Variants in PLEK observed in about 807,000 individuals in gnomAD.
PLEK encodes the protein pleckstrin, also known as platelet 47 kDa protein.
A neutral mutation model predicts 43.9 loss-of-function variants in PLEK; 25 were observed. The observed-to-expected ratio is 0.57, with a 90% CI of 0.41 to 0.79. The LOEUF is 0.79. Among genes scored for constraint, PLEK ranks in the 30% least tolerant of loss-of-function variants. PLEK has a pLI of 0.00. For missense variants in PLEK, 396 were observed against 413.3 expected, an observed-to-expected ratio of 0.96 and a Z score of 0.36; for synonymous variants, 152 against 144.4, an observed-to-expected ratio of 1.05 and a Z score of -0.38.
chr2:68,393,838 C>T (rs1052061026), intron 7 of PLEK, among the ~76,000 whole-genome samples: 1 of 152,168 alleles, frequency 6.6e-6, no homozygotes, highest in South Asian at 2.1e-4. Context: ...ACCTCAGTGT[C>T]TCCACCTCTC....
chr2:68,395,086 T>G (rs1173756834), intron 8 of PLEK, among the ~76,000 whole-genome samples: 1 of 152,152 alleles, frequency 6.6e-6, no homozygotes, highest in African/African-American at 2.4e-5. Flanking sequence ...CCTTTTAGTC[T>G]TCAGCAGAAC....
At chr2:68,380,040 C>G (rs1673580202) in intron 1 of PLEK, among the ~76,000 whole-genome samples, 1 of 151,834 alleles carries the variant, frequency 6.6e-6, no homozygotes, top group Non-Finnish European at 1.5e-5. Flanking sequence ...CTAAGCTGAG[C>G]CTTGAAGGAT....
chr2:68,384,154 GTTCTCCTTCTCCTTCTCCTTCTCC>G (rs61680302), intron 4 of PLEK, among the ~76,000 whole-genome samples: 65,412 of 149,878 alleles, frequency 0.44, 14,721 homozygotes, highest in African/African-American at 0.51. Flanking sequence ...TTTTCTTCTT[GTTCTCCTTCTCCTTCTCCTTCTCC>G]TTCTCCTTCT....
At chr2:68,394,051 G>A (rs1573083107) in intron 7 of PLEK, 56 bp from the exon 8 acceptor site, 3 of 1,107,572 alleles carry the variant, frequency 2.7e-6, no homozygotes, top group East Asian at 4.7e-5. Context: ...AAGAGGATGA[G>A]GTCTATCTAT....
At chr2:68,375,374 G>A (rs1235463248) in intron 1 of PLEK, among the ~76,000 whole-genome samples, 1 of 152,148 alleles carries the variant, frequency 6.6e-6, no homozygotes, top group Admixed American at 6.6e-5. Flanking sequence ...TTAAAAATAG[G>A]ATTATTTGTA....
At chr2:68,382,718 T>C in intron 4 of PLEK, 85 bp downstream of exon 4, 2 of 766,402 alleles carry the variant, frequency 2.6e-6, no homozygotes, top group South Asian at 1.5e-5. Context: ...GGTGGGGGTA[T>C]GAAGTATGGG....
In PLEK at chr2:68,393,156, A is replaced by T. The variant is rs758890380; in HGVS notation, c.763-6A>T. On this transcript the variant is annotated splice_polypyrimidine_tract_variant and splice_region_variant and intron_variant, in intron 6 of 8. Transcript: ENST00000234313. Reference sequence around the variant, plus strand: ...TCCCTTCTTTTAATGTTGATCCTGGATACAGGGGCATAGAAGGAAAAACTG... The same window carrying T: ...TCCCTTCTTTTAATGTTGATCCTGGTTACAGGGGCATAGAAGGAAAAACTG... 6.3e-7 allele frequency: 1 copy of T among 1,587,734 alleles called. No homozygotes were observed. Among genetic ancestry groups the T allele is most frequent in the Non-Finnish European group, 8.7e-7 (1 of 1,156,012 alleles).
chr2:68,396,854 T>C lies in PLEK; in HGVS notation c.*1038T>C, dbSNP rs1673972392. On this transcript the variant is annotated 3_prime_UTR_variant, in exon 9 of 9. Coordinates refer to ENST00000234313, the MANE Select transcript of PLEK (RefSeq NM_002664.3). The stretch of plus-strand genomic sequence containing the variant: ...CTGGATGATGGGTTAATACAACAAC[T>C]GCACTGTAAGGACTCAGAGCCACAC... The C allele has an allele frequency of 6.6e-6, 1 of 152,226 alleles. No individual in the cohort carries two copies. Among genetic ancestry groups the C allele is most frequent in the African/African-American group, 2.4e-5 (1 of 41,454 alleles). The allele number at this position is 152,226 out of a possible 1,614,324, so 9.4% of individuals were successfully genotyped here. A position where few individuals can be genotyped will look rare whatever the true frequency, so the allele number is the denominator to read the frequency against.
rs542663667 is a variant in PLEK, at chr2:68,365,620, C to G, written c.42+227C>G. 5 of 491,272 alleles carry G rather than the reference C, an allele frequency of 1.0e-5. No individual in the cohort carries two copies. The South Asian group carries it at 1.0e-4, about 10-fold the overall frequency. 30.4% of individuals were successfully genotyped at this position (491,272 alleles called of 1,614,324 possible). A position where few individuals can be genotyped will look rare whatever the true frequency, so the allele number is the denominator to read the frequency against. On this transcript the variant is annotated intron_variant, in intron 1 of 8. Transcript: ENST00000234313. ...TTTGATATTACGGGTCTGAGAATTCCAGATGGCAGGGCCTGGAAGGTGGGG... is the reference window on the plus strand; with the variant it reads ...TTTGATATTACGGGTCTGAGAATTCGAGATGGCAGGGCCTGGAAGGTGGGG...
chr2:68,374,333 G>T (rs538929138), intron 1 of PLEK, among the ~76,000 whole-genome samples: 1 of 152,250 alleles, frequency 6.6e-6, no homozygotes, highest in Admixed American at 6.5e-5. Flanking sequence ...CTGCATAGCG[G>T]CTTTGAAAAG....
intron 1 of PLEK, among the ~76,000 whole-genome samples, chr2:68,365,748 G>C (rs1232666455): frequency 6.6e-6 from 1 of 152,122 alleles, no homozygotes; most frequent in Non-Finnish European, 1.5e-5. Flanking sequence ...TTCTTGGAGG[G>C]ACTATTCATT....
chr2:68,380,342 T>C lies in PLEK; in HGVS notation c.57T>C (p.Asn19=), dbSNP rs1673588038. The change falls in exon 2 of 9, where the codon AAT becomes AAC. Residue 19 remains asparagine (N), a synonymous_variant. Coordinates refer to ENST00000234313, the MANE Select transcript of PLEK (RefSeq NM_002664.3). ...TGTCATTACAGGGGAGCGTGTTCAATACGTGGAAACCCATGTGGGTTGTAT... is the reference window on the plus strand; with the variant it reads ...TGTCATTACAGGGGAGCGTGTTCAACACGTGGAAACCCATGTGGGTTGTAT... ...GYLVKKGSVF[N]TWKPMWVVLL... 4.3e-6 allele frequency: 7 copies of C among 1,613,232 alleles called. No individual in the cohort carries two copies. Among genetic ancestry groups the C allele is most frequent in the Non-Finnish European group, 5.9e-6 (7 of 1,179,390 alleles).
Position 68,365,304 on chromosome 2 carries a change from G to C in PLEK, c.-48G>C. The C allele has an allele frequency of 1.3e-6, 2 of 1,580,852 alleles. No individual in the cohort carries two copies. Among genetic ancestry groups the C allele is most frequent in the Non-Finnish European group, 1.7e-6 (2 of 1,150,134 alleles). On this transcript the variant is annotated 5_prime_UTR_variant, in exon 1 of 9. It removes the in-frame stop codon of an upstream open reading frame in the 5' UTR. Transcript: ENST00000234313. ...AGCATGCAGAGGAGGCCCAGCTGCT[G>C]AGAGGAGTTGCCTGAGAGTGACCTT...
chr2:68,396,028 C>A lies in PLEK; in HGVS notation c.*212C>A. ...CAGCCCCTCTGCCCCTATCCATGAC[C>A]CCCAAGCAGATATAACAAGCTGTGC... On this transcript the variant is annotated 3_prime_UTR_variant, in exon 9 of 9. Transcript: ENST00000234313. 1 of 519,990 alleles carries A rather than the reference C, an allele frequency of 1.9e-6. No individual in the cohort carries two copies. The allele number at this position is 519,990 out of a possible 1,614,324, so 32.2% of individuals were successfully genotyped here.
intron 6 of PLEK, among the ~76,000 whole-genome samples, chr2:68,390,074 A>G (rs1673830160): frequency 6.6e-6 from 1 of 152,252 alleles, no homozygotes; most frequent in African/African-American, 2.4e-5. Context: ...GACTGGAGCC[A>G]CGTCTCAGTG....
chr2:68,376,228 T>G (rs911580592), intron 1 of PLEK, among the ~76,000 whole-genome samples: 4 of 152,184 alleles, frequency 2.6e-5, no homozygotes, highest in Non-Finnish European at 5.9e-5. Context: ...TTGAGATAGA[T>G]TCTACTTGCC....
chr2:68,376,885 G>T (rs1237459930), intron 1 of PLEK, among the ~76,000 whole-genome samples: 1 of 151,920 alleles, frequency 6.6e-6, no homozygotes, highest in Non-Finnish European at 1.5e-5. Flanking sequence ...CTTGTTTTTG[G>T]TACCCATTAA....
intron 6 of PLEK, among the ~76,000 whole-genome samples, chr2:68,389,369 G>T (rs190405519): frequency 1.5e-3 from 233 of 152,336 alleles, no homozygotes; most frequent in African/African-American, 5.1e-3. Flanking sequence ...AGTATATAAT[G>T]GAGAGAATCT....
chr2:68,377,123 G>A (rs1673520927), intron 1 of PLEK, among the ~76,000 whole-genome samples: 1 of 152,134 alleles, frequency 6.6e-6, no homozygotes, highest in African/African-American at 2.4e-5. Context: ...TGGCAAAGTA[G>A]CCCTCCATTG....
Sources: gnomAD v4.1 joint callset for allele counts (sites outside exome capture counted in the v4.1 genomes callset) on GRCh38, gnomAD v4.1.1 for gene constraint, MANE v1.5 for transcripts, NCBI Gene and HGNC (gene_info 2026-07-23, HGNC 2026-07-21) for gene names.